HCRTR2: variants seen among roughly 807,000 people sequenced by gnomAD.
HCRTR2 encodes orexin receptor type 2.
A neutral mutation model predicts 49.0 loss-of-function variants in HCRTR2; 22 were observed. That is an observed-to-expected ratio of 0.45 (90% confidence interval 0.32 to 0.64). The LOEUF is 0.64. Among genes scored for constraint, HCRTR2 ranks in the 30% least tolerant of loss-of-function variants. The probability of loss-of-function intolerance (pLI) is 0.04; values close to 1 mark genes in which losing one functional copy is unlikely to be tolerated. For synonymous variants in HCRTR2, 236 were observed against 205.3 expected (o/e 1.15, Z -1.28); for missense variants, 491 against 559.4 (o/e 0.88, Z 1.23).
chr6:55,194,984 C>T (rs189567104), intron 1 of HCRTR2, among the ~76,000 whole-genome samples: 2 of 151,920 alleles, frequency 1.3e-5, no homozygotes, highest in Non-Finnish European at 2.9e-5. Context: ...TATTTAGAAA[C>T]CAATAATACA....
At chr6:55,155,736 G>T (rs1561989410) in intron 1 of HCRTR2, among the ~76,000 whole-genome samples, 1 of 151,848 alleles carries the variant, frequency 6.6e-6, no homozygotes, top group African/African-American at 2.4e-5. Flanking sequence ...AATTTTCAAG[G>T]TGACAAAAAA....
intron 1 of HCRTR2, among the ~76,000 whole-genome samples, chr6:55,140,048 T>A (rs1016512599): frequency 6.6e-6 from 1 of 152,208 alleles, no homozygotes; most frequent in African/African-American, 2.4e-5. Context: ...TCTCGGGATA[T>A]GAACACACCC....
In HCRTR2 at chr6:55,192,219, T is replaced by C. The variant is rs139320348; in HGVS notation, c.223+17409T>C. Reference sequence around the variant, plus strand: ...TCAAATTTTAATCTTTTGTTTTCATTCCAACAAAAAAAATTAGGATCTGCC... The same window carrying C: ...TCAAATTTTAATCTTTTGTTTTCATCCCAACAAAAAAAATTAGGATCTGCC... On this transcript the variant is annotated intron_variant, in intron 1 of 6. Transcript: ENST00000370862. Among the ~76,000 whole-genome samples, 571 of 152,164 alleles carry C rather than the reference T, an allele frequency of 3.8e-3. 1 individual carries two copies. The highest frequency in any genetic ancestry group is 5.9e-3 in the Non-Finnish European group (403 of 67,988).
chr6:55,113,253 T>C (rs1206274488), intron 1 of HCRTR2, among the ~76,000 whole-genome samples: 1 of 151,834 alleles, frequency 6.6e-6, no homozygotes, highest in Non-Finnish European at 1.5e-5. Context: ...CCAAAGCAAA[T>C]GCAACATAAG....
chr6:55,143,326 T>C (rs1764535144), intron 1 of HCRTR2, among the ~76,000 whole-genome samples: 1 of 152,132 alleles, frequency 6.6e-6, no homozygotes, highest in Non-Finnish European at 1.5e-5. Flanking sequence ...GAATACAGAA[T>C]AAAATGCTTT....
At chr6:55,162,237 C>T (rs1418208571) in intron 1 of HCRTR2, among the ~76,000 whole-genome samples, 6 of 152,108 alleles carry the variant, frequency 3.9e-5, no homozygotes, top group Admixed American at 6.6e-5. Context: ...TGACAAAAAC[C>T]ACATGATTAT....
At chr6:55,246,027 A>G (rs1307813973) in intron 1 of HCRTR2, among the ~76,000 whole-genome samples, 1 of 152,054 alleles carries the variant, frequency 6.6e-6, no homozygotes. Flanking sequence ...GAAACACAGT[A>G]GAATGTCATG....
chr6:55,219,509 C>T (rs1044511072), intron 1 of HCRTR2, among the ~76,000 whole-genome samples: 9 of 151,852 alleles, frequency 5.9e-5, no homozygotes, highest in African/African-American at 2.2e-4. Flanking sequence ...GAAAATGTCT[C>T]AAGATGAAAT....
chr6:55,147,209 G>A (rs1002511316), intron 1 of HCRTR2, among the ~76,000 whole-genome samples: 3 of 151,810 alleles, frequency 2.0e-5, no homozygotes, highest in African/African-American at 7.3e-5. Flanking sequence ...AGTTATATTT[G>A]TAAATTATTT....
chr6:55,209,108 C>T (rs1002419669), intron 1 of HCRTR2, among the ~76,000 whole-genome samples: 1 of 152,066 alleles, frequency 6.6e-6, no homozygotes, highest in South Asian at 2.1e-4. Flanking sequence ...TTTTCTAAAT[C>T]CATTAAAATA....
At chr6:55,251,950 T>G (rs1458412176) in intron 2 of HCRTR2, among the ~76,000 whole-genome samples, 2 of 151,978 alleles carry the variant, frequency 1.3e-5, no homozygotes, top group Admixed American at 6.6e-5. Flanking sequence ...TGAGCTAATA[T>G]CAGAATCCAA....
intron 1 of HCRTR2, among the ~76,000 whole-genome samples, chr6:55,131,993 C>G (rs1764364386): frequency 6.6e-6 from 1 of 151,760 alleles, no homozygotes; most frequent in African/African-American, 2.4e-5. Flanking sequence ...GCCTTAAATT[C>G]ATACTCTCAG....
intron 2 of HCRTR2, among the ~76,000 whole-genome samples, chr6:55,253,472 G>T (rs1766591646): frequency 6.6e-6 from 1 of 152,074 alleles, no homozygotes; most frequent in Non-Finnish European, 1.5e-5. Context: ...AATATAACCA[G>T]GACAGAAAAA....
At chr6:55,125,365 C>G (rs557486622) in intron 1 of HCRTR2, among the ~76,000 whole-genome samples, 9 of 152,134 alleles carry the variant, frequency 5.9e-5, no homozygotes, top group South Asian at 4.1e-4. Context: ...TTCTCCTTCA[C>G]TATTGAAGCT....
intron 1 of HCRTR2, among the ~76,000 whole-genome samples, 174 bp downstream of exon 1, chr6:55,174,984 G>T (rs188928641): frequency 1.4e-3 from 218 of 152,216 alleles, no homozygotes; most frequent in Middle Eastern, 0.014. Context: ...CTGATTTTCC[G>T]AACCGGGACC....
intron 1 of HCRTR2, among the ~76,000 whole-genome samples, chr6:55,195,997 C>A (rs1057299030): frequency 7.9e-5 from 12 of 151,704 alleles, no homozygotes; most frequent in Non-Finnish European, 1.6e-4. Flanking sequence ...ACAACAACAA[C>A]AAAAACAAAA....
At position 55,232,434 on chromosome 6, in the gene HCRTR2, A is replaced by G. The variant is rs147000127; in HGVS notation, c.224-16205A>G. On this transcript the variant is annotated intron_variant, in intron 1 of 6. Coordinates refer to ENST00000370862, the MANE Select transcript of HCRTR2 (RefSeq NM_001384272.1). ...TTTTTTGTTGTTGTTCTTTCCTTGA[A>G]TAGAGTCGAAATTATGAATCTAACT... 7.2e-4 allele frequency among the ~76,000 whole-genome samples: 109 copies of G among 152,254 alleles called. 4 individuals carry two copies. In the East Asian group the frequency reaches 0.021, roughly 29 times the overall value.
At chr6:55,256,728 G>T (rs1430349560) in intron 3 of HCRTR2, among the ~76,000 whole-genome samples, 2 of 151,644 alleles carry the variant, frequency 1.3e-5, no homozygotes, top group Non-Finnish European at 2.9e-5. Context: ...TTCCAAAATG[G>T]TAGGAATATT....
At chr6:55,178,740 A>T (rs780938176) in intron 1 of HCRTR2, among the ~76,000 whole-genome samples, 1 of 152,150 alleles carries the variant, frequency 6.6e-6, no homozygotes, top group East Asian at 1.9e-4. Context: ...CCTTTTCCAC[A>T]CTAGCTCCAC....
Sources: gnomAD v4.1 joint callset for allele counts (sites outside exome capture counted in the v4.1 genomes callset) on GRCh38, gnomAD v4.1.1 for gene constraint, MANE v1.5 for transcripts, NCBI Gene and HGNC (gene_info 2026-07-23, HGNC 2026-07-21) for gene names.